The following RSPO2 variants were observed in gnomAD, a reference collection of about 807,000 sequenced individuals.
RSPO2 encodes the protein R-spondin 2.
In RSPO2, 14 loss-of-function variants were observed where a neutral mutation model predicts 30.9. The ratio of observed to expected loss-of-function variants is 0.45; its 90% CI spans 0.30 to 0.71. The LOEUF is 0.71. Among genes scored for constraint, RSPO2 ranks in the 30% least tolerant of loss-of-function variants. The pLI, the probability that RSPO2 is intolerant of heterozygous loss-of-function variation, is 0.08. For synonymous variants in RSPO2, 107 were observed against 96.4 expected, an observed-to-expected ratio of 1.11 and a Z score of -0.64; for missense variants, 264 against 301.9, an observed-to-expected ratio of 0.87 and a Z score of 0.93.
intron 5 of RSPO2, among the ~76,000 whole-genome samples, chr8:107,925,884 T>C (rs889528591): frequency 2.0e-5 from 3 of 152,238 alleles, no homozygotes; most frequent in African/African-American, 7.2e-5. Context: ...TGTGTCTTTA[T>C]AGCAGCATGA....
rs958090340 is a variant in RSPO2, at chr8:108,060,679, G to A, written c.94+21866C>T. On this transcript the variant is annotated intron_variant, in intron 2 of 5. Transcript: ENST00000276659. The stretch of plus-strand genomic sequence containing the variant: ...CCAACATTCAAATTCAGGAAATACA[G>A]AGAACGCCACAAAGATACCCCTCGA... Among the ~76,000 whole-genome samples the A allele has an allele frequency of 6.6e-5, 10 of 151,870 alleles. No individual in the cohort carries two copies. The East Asian group carries it at 1.7e-3, about 26-fold the overall frequency.
chr8:108,037,594 C>G (rs193206078), intron 2 of RSPO2, among the ~76,000 whole-genome samples: 3 of 152,122 alleles, frequency 2.0e-5, no homozygotes, highest in Admixed American at 6.5e-5. Flanking sequence ...GATTAAAAAG[C>G]CTGCTACTGG....
In RSPO2 at chr8:108,043,988, T is replaced by C. The variant is rs1002853614; in HGVS notation, c.94+38557A>G. On this transcript the variant is annotated intron_variant, in intron 2 of 5. Coordinates refer to ENST00000276659, the MANE Select transcript of RSPO2 (RefSeq NM_178565.5). ...TTTACTGGCTTATAAATAATAATAGTAATACTAATCACTTCTAGCACAATG... is the reference window on the plus strand; with the variant it reads ...TTTACTGGCTTATAAATAATAATAGCAATACTAATCACTTCTAGCACAATG... Among the ~76,000 whole-genome samples the C allele has an allele frequency of 2.6e-5, 4 of 152,242 alleles. No individual in the cohort carries two copies. In the South Asian group the frequency reaches 8.3e-4, roughly 32 times the overall value.
rs35774922 is a variant in RSPO2, at chr8:108,033,049, CAAAAAAAAAAA to C, written c.95-43816_95-43806del. ...TGGGTGACAGAGCAAGACTCTGTCT[CAAAAAAAAAAA>C]AAAAAAAAAAAAAAAAAATTTGTAG... On this transcript the variant is annotated intron_variant, in intron 2 of 5. Coordinates refer to ENST00000276659, the MANE Select transcript of RSPO2 (RefSeq NM_178565.5). Among the ~76,000 whole-genome samples the C allele has an allele frequency of 2.2e-4, 15 of 68,752 alleles. No individual in the cohort carries two copies. In the East Asian group the frequency reaches 4.1e-3, roughly 19 times the overall value. 45.1% of individuals were successfully genotyped at this position (68,752 alleles called of 152,430 possible).
At chr8:108,052,756 G>A (rs1812115214) in intron 2 of RSPO2, among the ~76,000 whole-genome samples, 1 of 152,096 alleles carries the variant, frequency 6.6e-6, no homozygotes, top group African/African-American at 2.4e-5. Flanking sequence ...GGAAAACTGA[G>A]GTATAGAGAT....
rs1319914747 is a variant in RSPO2 at position 107,929,534 on chromosome 8, A to AAG, written c.617-28346_617-28345dup. 2.0e-5 allele frequency among the ~76,000 whole-genome samples: 3 copies of AAG among 151,972 alleles called. 1 individual carries two copies. Among genetic ancestry groups the AAG allele is most frequent in the African/African-American group, 7.2e-5 (3 of 41,386 alleles). ...AATATGCACACTGCTCTTGGCTAAGAAGAGAGAGAGAGGGAGGACAGAGAA... is the reference window on the plus strand; with the variant it reads ...AATATGCACACTGCTCTTGGCTAAGAAGAGAGAGAGAGAGGGAGGACAGAGAA... On this transcript the variant is annotated intron_variant, in intron 5 of 5. Transcript: ENST00000276659.
intron 2 of RSPO2, among the ~76,000 whole-genome samples, chr8:108,045,680 A>G (rs896172786): frequency 2.0e-5 from 3 of 152,164 alleles, no homozygotes; most frequent in African/African-American, 7.2e-5. Context: ...GCTGCAACAC[A>G]AGGTTAACTG....
At chr8:107,959,441 A>T (rs909167052) in intron 4 of RSPO2, among the ~76,000 whole-genome samples, 10 of 152,190 alleles carry the variant, frequency 6.6e-5, no homozygotes, top group Admixed American at 4.6e-4. Flanking sequence ...AAACCTCCTC[A>T]TCAACTTCAC....
At chr8:108,052,708 T>C (rs1382382279) in intron 2 of RSPO2, among the ~76,000 whole-genome samples, 1 of 152,168 alleles carries the variant, frequency 6.6e-6, no homozygotes, top group Non-Finnish European at 1.5e-5. Flanking sequence ...GACAAAATTA[T>C]AAACTAGATA....
At chr8:107,932,063 T>C (rs1033107771) in intron 5 of RSPO2, among the ~76,000 whole-genome samples, 5 of 152,126 alleles carry the variant, frequency 3.3e-5, no homozygotes, top group Admixed American at 3.3e-4. Flanking sequence ...ACATGATAAA[T>C]ATAGGTGCGT....
chr8:108,044,886 T>C (rs181051868), intron 2 of RSPO2, among the ~76,000 whole-genome samples: 39 of 152,256 alleles, frequency 2.6e-4, no homozygotes, highest in Admixed American at 1.7e-3. Context: ...TGCAGAAGGA[T>C]GAAACTGGAC....
chr8:108,013,246 CTCTT>C (rs1207510024), intron 2 of RSPO2, among the ~76,000 whole-genome samples: 2 of 149,506 alleles, frequency 1.3e-5, no homozygotes, highest in South Asian at 2.1e-4. Context: ...TATAGATTTG[CTCTT>C]TCTTTTTCTA....
At chr8:108,029,120 G>A (rs1424808907) in intron 2 of RSPO2, among the ~76,000 whole-genome samples, 6 of 114,486 alleles carry the variant, frequency 5.2e-5, no homozygotes, top group East Asian at 2.6e-4. Context: ...TCTGCATCAG[G>A]GATTAGCAAA....
intron 2 of RSPO2, among the ~76,000 whole-genome samples, chr8:108,064,454 A>C (rs1385749640): frequency 1.3e-5 from 2 of 152,246 alleles, no homozygotes; most frequent in African/African-American, 4.8e-5. Context: ...AGAGAAATGC[A>C]AATCAAAACC....
intron 5 of RSPO2, among the ~76,000 whole-genome samples, chr8:107,948,589 T>C (rs182336935): frequency 2.6e-5 from 4 of 152,244 alleles, no homozygotes; most frequent in African/African-American, 9.6e-5. Flanking sequence ...CACCTAAATA[T>C]GCAACTCCTG....
chr8:108,058,982 G>C (rs1812357455), intron 2 of RSPO2, among the ~76,000 whole-genome samples: 1 of 151,664 alleles, frequency 6.6e-6, no homozygotes, highest in Non-Finnish European at 1.5e-5. Flanking sequence ...GGCAACAAAA[G>C]ACAAAATTGA....
At chr8:108,072,769 A>G (rs11783928) in intron 2 of RSPO2, among the ~76,000 whole-genome samples, 45,952 of 151,862 alleles carry the variant, frequency 0.3, 7,777 homozygotes, top group African/African-American at 0.46. Flanking sequence ...TGGATTTTCA[A>G]AATATTAGAC....
At chr8:108,035,407 G>T (rs191639937) in intron 2 of RSPO2, among the ~76,000 whole-genome samples, 1 of 152,286 alleles carries the variant, frequency 6.6e-6, no homozygotes, top group African/African-American at 2.4e-5. Flanking sequence ...CAAATTTATA[G>T]TGACTGTTGA....
intron 2 of RSPO2, among the ~76,000 whole-genome samples, chr8:108,033,551 A>G (rs1586644988): frequency 6.6e-6 from 1 of 152,222 alleles, no homozygotes; most frequent in Non-Finnish European, 1.5e-5. Context: ...AAAATATTCA[A>G]TTACCCCAGA....
Sources: gnomAD v4.1 joint callset for allele counts (sites outside exome capture counted in the v4.1 genomes callset) on GRCh38, gnomAD v4.1.1 for gene constraint, MANE v1.5 for transcripts, NCBI Gene and HGNC (gene_info 2026-07-23, HGNC 2026-07-21) for gene names.